The following GCNT2 variants were observed in gnomAD, a reference collection of about 807,000 sequenced individuals.
GCNT2 encodes the protein glucosaminyl (N-acetyl) transferase 2 (I blood group), also known as N-acetyllactosaminide beta-1,6-N-acetylglucosaminyl-transferase.
In GCNT2, 34 loss-of-function variants were observed where a neutral mutation model predicts 34.2. That is an observed-to-expected ratio of 1.00 (90% CI 0.76 to 1.32). The LOEUF is 1.32. GCNT2 is among the 40% of genes most tolerant of loss of function. GCNT2 has a pLI of 0.00. For missense variants in GCNT2, 584 were observed against 489.4 expected, an observed-to-expected ratio of 1.19 and a Z score of -1.82; for synonymous variants, 212 against 188.0, an observed-to-expected ratio of 1.13 and a Z score of -1.04.
intron 4 of GCNT2, 53 bp from the exon 5 acceptor site, chr6:10,626,364 C>T (rs1459763358): frequency 3.1e-6 from 4 of 1,299,146 alleles, no homozygotes; most frequent in African/African-American, 1.4e-5. Flanking sequence ...AAGTTCATCA[C>T]CCTTTTGAAA....
intron 3 of GCNT2, among the ~76,000 whole-genome samples, chr6:10,533,347 T>C (rs1410071162): frequency 6.6e-6 from 1 of 151,712 alleles, no homozygotes; most frequent in Non-Finnish European, 1.5e-5. Context: ...GAAAAACATC[T>C]CACAGCTGAA....
intron 3 of GCNT2, among the ~76,000 whole-genome samples, chr6:10,561,389 C>T (rs1044400741): frequency 3.9e-5 from 6 of 152,132 alleles, no homozygotes; most frequent in Non-Finnish European, 5.9e-5. Flanking sequence ...CTCGAACTCC[C>T]GACCTCAGCC....
intron 3 of GCNT2, among the ~76,000 whole-genome samples, chr6:10,590,928 C>CTGTCTAACTCTTCATCCTTTA (rs1177976881): frequency 6.6e-5 from 10 of 152,210 alleles, no homozygotes; most frequent in African/African-American, 2.4e-4. Context: ...GATGCCCTTC[C>CTGTCTAACTCTTCATCCTTTA]TGTCTAACTC....
chr6:10,620,471 A>G (rs1225453972), intron 3 of GCNT2, among the ~76,000 whole-genome samples: 1 of 151,832 alleles, frequency 6.6e-6, no homozygotes, highest in Non-Finnish European at 1.5e-5. Context: ...CAGTGGCACA[A>G]TCATGGCTCA....
chr6:10,554,855 G>A (rs1052223008), intron 3 of GCNT2, among the ~76,000 whole-genome samples: 2 of 152,128 alleles, frequency 1.3e-5, no homozygotes, highest in Admixed American at 1.3e-4. Flanking sequence ...GTAAGGGAGA[G>A]AGAAAAATAA....
At chr6:10,595,349 C>T (rs1417749026) in intron 3 of GCNT2, among the ~76,000 whole-genome samples, 1 of 152,044 alleles carries the variant, frequency 6.6e-6, no homozygotes, top group African/African-American at 2.4e-5. Flanking sequence ...GCGATCTTGG[C>T]TCACTGCAAG....
chr6:10,536,371 T>A (rs1761752911), intron 3 of GCNT2, among the ~76,000 whole-genome samples: 1 of 152,142 alleles, frequency 6.6e-6, no homozygotes, highest in African/African-American at 2.4e-5. Context: ...TTCTTTTTTT[T>A]TTTTGAGACA....
At chr6:10,538,635 CTT>C (rs1327597171) in intron 3 of GCNT2, among the ~76,000 whole-genome samples, 6 of 150,998 alleles carry the variant, frequency 4.0e-5, no homozygotes, top group Non-Finnish European at 8.8e-5. Flanking sequence ...ATGATTTTGA[CTT>C]TTTTTTGAGT....
At position 10,534,139 on chromosome 6, in the gene GCNT2, C is replaced by CTTT. The variant is rs1491129469; in HGVS notation, c.925+4304_925+4305insTTT. ...CTGGTATCTGCCAGATTCCATGCTGCTCTTTTTTTTTTTTTTTTTTAAGAT... is the reference window on the plus strand; with the variant it reads ...CTGGTATCTGCCAGATTCCATGCTGCTTTTCTTTTTTTTTTTTTTTTTTAAGAT... On this transcript the variant is annotated intron_variant, in intron 3 of 4. Transcript: ENST00000495262. 1.7e-3 allele frequency among the ~76,000 whole-genome samples: 215 copies of CTTT among 123,148 alleles called. 18 individuals carry two copies. The highest frequency in any genetic ancestry group is 9.5e-3 in the Middle Eastern group (2 of 210). 80.8% of individuals were successfully genotyped at this position (123,148 alleles called of 152,430 possible).
intron 3 of GCNT2, among the ~76,000 whole-genome samples, chr6:10,548,328 A>G (rs553962535): frequency 3.3e-5 from 5 of 152,340 alleles, no homozygotes; most frequent in Non-Finnish European, 7.4e-5. Flanking sequence ...ACTGACACCA[A>G]GATATTCCTG....
intron 3 of GCNT2, among the ~76,000 whole-genome samples, chr6:10,601,135 C>T (rs1158944699): frequency 6.6e-6 from 1 of 152,128 alleles, no homozygotes; most frequent in Non-Finnish European, 1.5e-5. Flanking sequence ...TCCTTTTGCC[C>T]TGCTTTTCTT....
intron 3 of GCNT2, among the ~76,000 whole-genome samples, chr6:10,548,960 C>T (rs1214294952): frequency 3.9e-5 from 6 of 152,122 alleles, no homozygotes; most frequent in Non-Finnish European, 7.4e-5. Context: ...GGTTTCACCA[C>T]GTTGGACAGG....
chr6:10,568,202 C>T (rs1763371425), intron 3 of GCNT2, among the ~76,000 whole-genome samples: 1 of 152,090 alleles, frequency 6.6e-6, no homozygotes, highest in African/African-American at 2.4e-5. Context: ...CCCAGGCCTT[C>T]TGCCACATCT....
At chr6:10,543,608 GTTA>G (rs1262558878) in intron 3 of GCNT2, among the ~76,000 whole-genome samples, 1 of 152,164 alleles carries the variant, frequency 6.6e-6, no homozygotes, top group African/African-American at 2.4e-5. Context: ...TCATATCCTT[GTTA>G]TTGTCTATCT....
chr6:10,541,220 T>C (rs1256867472), intron 3 of GCNT2, among the ~76,000 whole-genome samples: 1 of 152,120 alleles, frequency 6.6e-6, no homozygotes, highest in East Asian at 1.9e-4. Context: ...CATGTGTCCA[T>C]AAGTTCTCAT....
intron 3 of GCNT2, chr6:10,581,745 C>T (rs931658177): frequency 1.0e-6 from 1 of 985,218 alleles, no homozygotes; most frequent in Non-Finnish European, 1.2e-6. Context: ...AGGGAAAAAA[C>T]CGACTGAACC....
chr6:10,556,998 A>G (rs1366085521), intron 3 of GCNT2: 1 of 1,613,770 alleles, frequency 6.2e-7, no homozygotes, highest in Non-Finnish European at 8.5e-7. Context: ...TGTGGGCAAG[A>G]CTTCCCCCTG....
chr6:10,561,925 G>C (rs1763003685), intron 3 of GCNT2, among the ~76,000 whole-genome samples: 2 of 150,490 alleles, frequency 1.3e-5, no homozygotes. Context: ...TTCCTACTTT[G>C]ATTTATTTTG....
intron 3 of GCNT2, among the ~76,000 whole-genome samples, chr6:10,578,592 A>G (rs113150383): frequency 0.029 from 4,428 of 151,494 alleles, 194 homozygotes; most frequent in African/African-American, 0.098. Context: ...GACTAGAGGC[A>G]CGCGCCACCT....
Sources: allele counts gnomAD v4.1 joint callset (sites outside exome capture counted in the v4.1 genomes callset), GRCh38; gene constraint gnomAD v4.1.1; transcripts MANE v1.5; gene names NCBI Gene and HGNC (gene_info 2026-07-23, HGNC 2026-07-21).